The following TMEM25 variants were observed in gnomAD, a reference collection of about 807,000 sequenced individuals.
TMEM25 encodes transmembrane protein 25, also known as 0610039J01Rik.
In TMEM25, 36 loss-of-function variants were observed where a neutral mutation model predicts 37.0. That is an observed-to-expected ratio of 0.97 (90% CI 0.75 to 1.28). The LOEUF (loss-of-function observed/expected upper bound fraction) is 1.28. Ranked by LOEUF, TMEM25 falls within the 50% of genes most tolerant of loss-of-function variation. The pLI is 0.00. For missense variants in TMEM25, 444 were observed against 477.9 expected, an observed-to-expected ratio of 0.93 and a Z score of 0.66; for synonymous variants, 197 against 203.7, an observed-to-expected ratio of 0.97 and a Z score of 0.28.
At position 118,532,476 on chromosome 11, in the gene TMEM25, G is replaced by A. The variant is rs782579566; in HGVS notation, c.382+15G>A. On this transcript the variant is annotated intron_variant, in intron 3 of 8. Coordinates refer to ENST00000313236, the MANE Select transcript of TMEM25 (RefSeq NM_032780.4). ...TAATGTGCAATGTGAGTGGCCCTGA[G>A]GTGGGCAGGGAGATAGGTTCTTTGC... 7 of 1,596,818 alleles carry A rather than the reference G, an allele frequency of 4.4e-6. No individual in the cohort carries two copies. Among genetic ancestry groups the A allele is most frequent in the Non-Finnish European group, 6.0e-6 (7 of 1,168,908 alleles).
chr11:118,536,799 ATTTT>A (rs1188182727), downstream of TMEM25, among the ~76,000 whole-genome samples: 1 of 151,382 alleles, frequency 6.6e-6, no homozygotes, highest in Non-Finnish European at 1.5e-5. Flanking sequence ...CTGGGATGTG[ATTTT>A]TTTTTGTACA....
downstream of TMEM25, among the ~76,000 whole-genome samples, chr11:118,539,157 G>T (rs1332377216): frequency 2.8e-5 from 4 of 143,364 alleles, no homozygotes; most frequent in African/African-American, 1.0e-4. Context: ...TGAGGTCTTG[G>T]TCATAAATTT....
At chr11:118,543,172 G>A (rs930901575) in intron 8 of TMEM25, among the ~76,000 whole-genome samples, 4 of 152,146 alleles carry the variant, frequency 2.6e-5, no homozygotes, top group Non-Finnish European at 5.9e-5. Context: ...GAACCCGGGA[G>A]GTGGAGGTTG....
At chr11:118,546,063 A>C in intron 8 of TMEM25, 1 of 713,744 alleles carries the variant, frequency 1.4e-6, no homozygotes, top group Non-Finnish European at 2.6e-6. Flanking sequence ...AGATAATTAA[A>C]TTAAAACAAG....
rs1951490790 is a variant in TMEM25, at chr11:118,535,572, T to C, written c.*992T>C. On this transcript the variant is annotated 3_prime_UTR_variant, in exon 9 of 9. Transcript: ENST00000313236. The stretch of plus-strand genomic sequence containing the variant: ...CATGGTTGCCTCATCAGCAGGAAGG[T>C]GCCCTTCCTGGAGGATGGTCGCCAC... 6.5e-7 allele frequency: 1 copy of C among 1,535,678 alleles called. No individual in the cohort carries two copies. Among genetic ancestry groups the C allele is most frequent in the African/African-American group, 1.4e-5 (1 of 73,018 alleles).
chr11:118,535,094 G>A lies in TMEM25; in HGVS notation c.*514G>A. On this transcript the variant is annotated 3_prime_UTR_variant, in exon 9 of 9. Coordinates refer to ENST00000313236, the MANE Select transcript of TMEM25 (RefSeq NM_032780.4). The stretch of plus-strand genomic sequence containing the variant: ...GCTGTGCAGAACCCAATTGCCCTTT[G>A]CACAGAAACCAACCCCTGACCCAGC... 1 of 1,018,058 alleles carries A rather than the reference G, an allele frequency of 9.8e-7. No homozygotes were observed. The allele number at this position is 1,018,058 out of a possible 1,614,324, so 63.1% of individuals were successfully genotyped here.
intron 8 of TMEM25, among the ~76,000 whole-genome samples, chr11:118,543,791 C>A (rs1268002723): frequency 6.8e-6 from 1 of 148,074 alleles, no homozygotes; most frequent in African/African-American, 2.5e-5. Flanking sequence ...CTGGCCAATT[C>A]CCCATATTAA....
Position 118,533,472 on chromosome 11 carries a change from TG to T in TMEM25, c.729del (p.Ala245HisfsTer32). The T allele has an allele frequency of 6.2e-7, 1 of 1,614,150 alleles. No homozygotes were observed. On this transcript the variant is annotated frameshift_variant, in exon 5 of 9. Coordinates refer to ENST00000313236, the MANE Select transcript of TMEM25 (RefSeq NM_032780.4). LOFTEE classifies it high-confidence loss of function. ...CACTGCTGGGCATTGTTGTGGCTGC[TG>T]GGCTTGCACTGGGCACCCTCGTGGG... ...VPLLGIVVAA[G>X]LALGTLVGFS...
downstream of TMEM25, among the ~76,000 whole-genome samples, chr11:118,538,084 T>C (rs556367384): frequency 3.3e-5 from 5 of 152,270 alleles, no homozygotes; most frequent in Admixed American, 6.5e-5. Context: ...TGGTTTTCCA[T>C]AGTGGTTGTA....
intron 8 of TMEM25, among the ~76,000 whole-genome samples, chr11:118,540,998 G>T (rs7932700): frequency 0.17 from 25,788 of 151,930 alleles, 2,708 homozygotes; most frequent in East Asian, 0.49. Context: ...GTTCTTTTTT[G>T]GGGTGATGAA....
At chr11:118,539,773 T>C (rs11216884), downstream of TMEM25, among the ~76,000 whole-genome samples, 24,442 of 151,582 alleles carry the variant, frequency 0.16, 2,422 homozygotes, top group East Asian at 0.49. Context: ...GTAATACCAG[T>C]ACTTTGGGAG....
In TMEM25 at chr11:118,532,899, G is replaced by C. The variant is rs782517977; in HGVS notation, c.383-18G>C. 1 of 1,603,334 alleles carries C rather than the reference G, an allele frequency of 6.2e-7. No homozygotes were observed. Among genetic ancestry groups the C allele is most frequent in the Non-Finnish European group, 8.5e-7 (1 of 1,173,240 alleles). Reference sequence around the variant, plus strand: ...GAGGGGCTGTGGTGAGAGCATATTGGCCTCTGCTTTGTACCAGTCAAGCCA... The same window carrying C: ...GAGGGGCTGTGGTGAGAGCATATTGCCCTCTGCTTTGTACCAGTCAAGCCA... On this transcript the variant is annotated intron_variant, in intron 3 of 8. Coordinates refer to ENST00000313236, the MANE Select transcript of TMEM25 (RefSeq NM_032780.4).
In TMEM25 at chr11:118,533,213, C is replaced by G. The variant is rs781947275; in HGVS notation, c.673+6C>G. On this transcript the variant is annotated splice_donor_region_variant and intron_variant, in intron 4 of 8. Coordinates refer to ENST00000313236, the MANE Select transcript of TMEM25 (RefSeq NM_032780.4). ...TGCGTCGCTTCCAGCCCCAGGTGAGCATGGCCAGCAAGCGGCCCTGCAAAG... is the reference window on the plus strand; with the variant it reads ...TGCGTCGCTTCCAGCCCCAGGTGAGGATGGCCAGCAAGCGGCCCTGCAAAG... 7 of 1,584,218 alleles carry G rather than the reference C, an allele frequency of 4.4e-6. No homozygotes were observed. The Admixed American group carries it at 1.2e-4, about 27-fold the overall frequency.
At chr11:118,546,177 G>A (rs479208) in exon 9 of TMEM25, 2 of 718,298 alleles carry the variant, frequency 2.8e-6, no homozygotes, top group Non-Finnish European at 5.2e-6. Context: ...AGACACAGAA[G>A]ATGGCCAAGA....
intron 8 of TMEM25, among the ~76,000 whole-genome samples, chr11:118,540,910 CAG>C (rs2135437564): frequency 6.6e-6 from 1 of 152,192 alleles, no homozygotes; most frequent in Admixed American, 6.5e-5. Flanking sequence ...GGCAAATCTG[CAG>C]AGTCAGAGAG....
intron 8 of TMEM25, among the ~76,000 whole-genome samples, chr11:118,541,482 A>AAAGAG (rs1429223962): frequency 6.7e-6 from 1 of 149,382 alleles, no homozygotes; most frequent in Non-Finnish European, 1.5e-5. Context: ...AAAAAAAAGA[A>AAAGAG]AAAGAAACTT....
chr11:118,544,087 C>T (rs1013529627), intron 8 of TMEM25, among the ~76,000 whole-genome samples: 1 of 152,160 alleles, frequency 6.6e-6, no homozygotes, highest in South Asian at 2.1e-4. Flanking sequence ...GGATTACAGG[C>T]GTGAGCCACT....
rs782356577 is a variant in TMEM25 at position 118,534,099 on chromosome 11, C to G, written c.907C>G (p.Gln303Glu). The change falls in exon 7 of 9, where the codon CAG becomes GAG. Residue 303 changes from glutamine to glutamate, a missense_variant. By Grantham distance (29) the Gln-to-Glu change is conservative. Transcript: ENST00000313236. The surrounding 1 kb of genome is among the most constrained non-coding windows in gnomAD (Gnocchi z 4.6). Reference protein sequence around the residue: ...RENMSLPSNLQLNDLTPDSRA... With the variant: ...RENMSLPSNLELNDLTPDSRA... ...GAACATGTCCCTCCCGTCCAACCTT[C>G]AGCTCAATGACCTCACTCCAGATTC... The G allele has an allele frequency of 6.2e-7, 1 of 1,614,192 alleles. No homozygotes were observed. The highest frequency in any genetic ancestry group is 8.5e-7 in the Non-Finnish European group (1 of 1,180,034).
In TMEM25 at chr11:118,535,718, T is replaced by C. The variant is rs1951496991; in HGVS notation, c.*1138T>C. ...ACATGTAAATGATTGGAAATTAATA[T>C]AGTACAGAATATATTTTTCCCTTGT... On this transcript the variant is annotated 3_prime_UTR_variant, in exon 9 of 9. Coordinates refer to ENST00000313236, the MANE Select transcript of TMEM25 (RefSeq NM_032780.4). 1.4e-6 allele frequency: 2 copies of C among 1,411,638 alleles called. No individual in the cohort carries two copies. 87.4% of individuals were successfully genotyped at this position (1,411,638 alleles called of 1,614,324 possible). A position where few individuals can be genotyped will look rare whatever the true frequency, so the allele number is the denominator to read the frequency against.
Sources: allele counts gnomAD v4.1 joint callset (sites outside exome capture counted in the v4.1 genomes callset), GRCh38; gene constraint gnomAD v4.1.1; non-coding constraint Gnocchi (gnomAD v3.1); transcripts MANE v1.5; gene names NCBI Gene and HGNC (gene_info 2026-07-23, HGNC 2026-07-21).